SAMMSON: variants seen among roughly 807,000 people sequenced by gnomAD.
SAMMSON encodes long intergenic non-protein coding RNA 1212.
intron 3 of SAMMSON, among the ~76,000 whole-genome samples, chr3:70,020,183 G>A (rs2067006244): frequency 6.6e-6 from 1 of 152,090 alleles, no homozygotes; most frequent in South Asian, 2.1e-4. Flanking sequence ...CAATTTTGCA[G>A]AAAAGAGTAC....
chr3:70,159,578 T>C (rs1005529743), intron 4 of SAMMSON: 2 of 152,154 alleles, frequency 1.3e-5, no homozygotes, highest in African/African-American at 4.8e-5. Context: ...GACTTTTTTT[T>C]TTCAGATGGA....
intron 4 of SAMMSON, among the ~76,000 whole-genome samples, chr3:70,115,210 C>CAAAAAAAAA (rs11456109): frequency 8.5e-6 from 1 of 117,512 alleles, no homozygotes; most frequent in South Asian, 2.6e-4. Flanking sequence ...CTCTATTTTC[C>CAAAAAAAAA]AAAAAAAAAA....
At chr3:70,417,824 G>A (rs559555423) in intron 2 of SAMMSON, among the ~76,000 whole-genome samples, 13 of 152,222 alleles carry the variant, frequency 8.5e-5, no homozygotes, top group African/African-American at 3.1e-4. Context: ...CCAGGTTACA[G>A]GTCACCTGGG....
At chr3:70,138,241 G>A (rs1175883585) in intron 4 of SAMMSON, among the ~76,000 whole-genome samples, 1 of 151,904 alleles carries the variant, frequency 6.6e-6, no homozygotes, top group Non-Finnish European at 1.5e-5. Flanking sequence ...TTTTTTGTTT[G>A]TTTGTGTGGT....
At chr3:70,141,925 A>G (rs1376504223) in intron 4 of SAMMSON, among the ~76,000 whole-genome samples, 1 of 152,200 alleles carries the variant, frequency 6.6e-6, no homozygotes, top group Non-Finnish European at 1.5e-5. Context: ...GTAAACATAC[A>G]AAAATTTCTC....
intron 7 of SAMMSON, among the ~76,000 whole-genome samples, chr3:70,344,400 A>C (rs1702734353): frequency 1.3e-5 from 2 of 152,216 alleles, no homozygotes; most frequent in East Asian, 1.9e-4. Context: ...ACTCCAGGGC[A>C]AGATCATCTT....
chr3:70,185,893 C>T (rs1701087789), intron 4 of SAMMSON, among the ~76,000 whole-genome samples: 1 of 151,974 alleles, frequency 6.6e-6, no homozygotes, highest in East Asian at 1.9e-4. Context: ...GGGAGGATCA[C>T]TTGAGTCTAG....
rs528410024 is a variant in SAMMSON at position 70,206,778 on chromosome 3, G to A, written n.508-42329G>A. 1.4e-3 allele frequency: 546 copies of A among 397,514 alleles called. 2 individuals carry two copies. The highest frequency in any genetic ancestry group is 2.8e-3 in the South Asian group (22 of 7,846). The allele number at this position is 397,514 out of a possible 1,614,324, so 24.6% of individuals were successfully genotyped here. On this transcript the variant is annotated intron_variant and non_coding_transcript_variant, in intron 4 of 9. Coordinates refer to ENST00000642114, the Ensembl canonical transcript of SAMMSON. ...TTTCTCATCTGCATGCTTTGCATTC[G>A]TGAGTTGCGTATCTAGAGGAAAAAA...
intron 6 of SAMMSON, among the ~76,000 whole-genome samples, chr3:70,250,952 A>G (rs1701760490): frequency 6.6e-6 from 1 of 152,248 alleles, no homozygotes; most frequent in East Asian, 1.9e-4. Flanking sequence ...AGAGAAAGAC[A>G]AACTATTAAG....
chr3:70,417,785 A>G (rs945117654), intron 2 of SAMMSON, among the ~76,000 whole-genome samples: 7 of 152,056 alleles, frequency 4.6e-5, no homozygotes, highest in Non-Finnish European at 1.5e-5. Flanking sequence ...AAGGATTCTG[A>G]TTGGCTCTTC....
intron 4 of SAMMSON, chr3:70,125,102 T>C: frequency 1.8e-6 from 2 of 1,112,840 alleles, no homozygotes; most frequent in Non-Finnish European, 2.7e-6. Flanking sequence ...ATCTGGTTTT[T>C]GTCTAGCAGA....
intron 7 of SAMMSON, among the ~76,000 whole-genome samples, chr3:70,338,957 C>G (rs968218349): frequency 9.2e-5 from 14 of 152,038 alleles, no homozygotes; most frequent in African/African-American, 3.1e-4. Context: ...AATCCTAAGC[C>G]AAAAGAACAG....
At chr3:70,144,468 C>A (rs2067540091) in intron 4 of SAMMSON, among the ~76,000 whole-genome samples, 2 of 152,098 alleles carry the variant, frequency 1.3e-5, no homozygotes, top group African/African-American at 4.8e-5. Flanking sequence ...ATTCCCAAGT[C>A]CATTCATTAG....
intron 7 of SAMMSON, among the ~76,000 whole-genome samples, chr3:70,316,246 A>C (rs1702493676): frequency 6.6e-6 from 1 of 152,178 alleles, no homozygotes; most frequent in South Asian, 2.1e-4. Flanking sequence ...AGCTTTTTGA[A>C]CAAACAAATA....
intron 8 of SAMMSON, among the ~76,000 whole-genome samples, chr3:70,355,407 A>G (rs746964875): frequency 2.0e-5 from 3 of 152,172 alleles, no homozygotes; most frequent in Admixed American, 6.5e-5. Context: ...AAAAAAACCA[A>G]TTAGAATCCT....
At chr3:70,285,299 T>C (rs932544823) in intron 6 of SAMMSON, among the ~76,000 whole-genome samples, 13 of 148,292 alleles carry the variant, frequency 8.8e-5, no homozygotes, top group African/African-American at 2.7e-4. Context: ...TGAGTGAGAA[T>C]ATGTGGTGTT....
intron 7 of SAMMSON, among the ~76,000 whole-genome samples, chr3:70,320,442 A>C (rs147070105): frequency 1.8e-3 from 272 of 152,200 alleles, no homozygotes; most frequent in African/African-American, 6.3e-3. Context: ...ATCAGCAGAA[A>C]TGTGGGGTCA....
intron 4 of SAMMSON, among the ~76,000 whole-genome samples, chr3:70,155,774 T>G (rs2067589909): frequency 6.6e-6 from 1 of 152,050 alleles, no homozygotes; most frequent in Admixed American, 6.6e-5. Context: ...CAAAACTGAT[T>G]TGTTTTGAAA....
chr3:70,355,359 C>A (rs1702821878), intron 8 of SAMMSON, among the ~76,000 whole-genome samples: 1 of 151,854 alleles, frequency 6.6e-6, no homozygotes, highest in East Asian at 1.9e-4. Context: ...ATGCAAAGAG[C>A]CAACTGAAAC....
Sources: gnomAD v4.1 joint callset for allele counts (sites outside exome capture counted in the v4.1 genomes callset) on GRCh38, gnomAD v4.1.1 for gene constraint, MANE v1.5 for transcripts, NCBI Gene and HGNC (gene_info 2026-07-23, HGNC 2026-07-21) for gene names.